PARD6B: variants seen among roughly 807,000 people sequenced by gnomAD.
PARD6B encodes partitioning defective 6 homolog beta.
In PARD6B, 4 loss-of-function variants were observed where a neutral mutation model predicts 10.5. That is an observed-to-expected ratio of 0.38 (90% CI 0.19 to 0.87). PARD6B has a LOEUF of 0.87. Among genes scored for constraint, PARD6B ranks in the 40% least tolerant of loss-of-function variants. The pLI, the probability that PARD6B is intolerant of heterozygous loss-of-function variation, is 0.41. For synonymous variants in PARD6B, 169 were observed against 170.4 expected (o/e 0.99, Z 0.07); for missense variants, 396 against 470.6 (o/e 0.84, Z 1.47).
Position 50,737,915 on chromosome 20 carries a change from A to G in PARD6B, c.125A>G (p.Glu42Gly), listed in dbSNP as rs1196565435. Residue 42 changes from glutamate (E) to glycine (G), a missense_variant, in exon 2 of 3, where the codon GAG (glutamate) becomes GGG (glycine). Physicochemically the swap from Glu to Gly is moderately conservative, Grantham distance 98. This residue lies in a region of PARD6B where 208 missense variants were observed against 300.9 expected (regional missense o/e 0.69). Coordinates refer to ENST00000371610, the MANE Select transcript of PARD6B (RefSeq NM_032521.3). ...AGATCAAAACCTGGAAAATTTGAGG[A>G]GTTTTATGGATTACTACAACATGTT... The part of the protein sequence containing the change: ...LERSKPGKFE[E>G]FYGLLQHVHK... The G allele has an allele frequency of 6.2e-7, 1 of 1,609,100 alleles. No homozygotes were observed. The highest frequency in any genetic ancestry group is 1.7e-5 in the Admixed American group (1 of 59,078).
Position 50,738,054 on chromosome 20 carries a change from G to A in PARD6B, c.264G>A (p.Leu88=). ...YHKAVSTANP[L]LRIFIQKKEE... is the part of the protein sequence containing the mutation. ...AAGCTGTTTCAACGGCCAATCCACT[G>A]CTTAGGATATTTATACAAAAGAAGG... The change falls in exon 2 of 3, where the codon CTG becomes CTA. Residue 88 remains leucine (L), a synonymous_variant. Coordinates refer to ENST00000371610, the MANE Select transcript of PARD6B (RefSeq NM_032521.3). The A allele has an allele frequency of 6.2e-7, 1 of 1,605,434 alleles. No homozygotes were observed. The highest frequency in any genetic ancestry group is 8.5e-7 in the Non-Finnish European group (1 of 1,176,454).
chr20:50,743,517 T>C (rs1025087695), intron 2 of PARD6B, among the ~76,000 whole-genome samples: 1 of 152,188 alleles, frequency 6.6e-6, no homozygotes, highest in African/African-American at 2.4e-5. Flanking sequence ...AAGGTTACAT[T>C]TTTATGAATC....
At chr20:50,738,645 ACTTTCTTT>A (rs1391191824) in intron 2 of PARD6B, among the ~76,000 whole-genome samples, 2 of 152,300 alleles carry the variant, frequency 1.3e-5, no homozygotes, top group East Asian at 3.9e-4. Context: ...CCCAGTAAAT[ACTTTCTTT>A]CTTTTACTTT....
intron 2 of PARD6B, among the ~76,000 whole-genome samples, chr20:50,741,321 C>T (rs765400652): frequency 2.6e-5 from 4 of 151,948 alleles, no homozygotes; most frequent in South Asian, 4.2e-4. Context: ...ACTTCACCCT[C>T]GGTTCTTCCC....
At chr20:50,741,557 C>CT (rs1170218586) in intron 2 of PARD6B, among the ~76,000 whole-genome samples, 3 of 151,756 alleles carry the variant, frequency 2.0e-5, no homozygotes, top group East Asian at 1.9e-4. Context: ...TGCATGCACT[C>CT]TTTTTTTTGT....
intron 2 of PARD6B, among the ~76,000 whole-genome samples, chr20:50,748,491 CT>C (rs1359557395): frequency 1.3e-5 from 2 of 152,226 alleles, no homozygotes; most frequent in Non-Finnish European, 2.9e-5. Flanking sequence ...TCTGATTTAC[CT>C]TGAGAATCAA....
At chr20:50,731,910 GGCCGGGCCAGGCTCGGAGC>G in intron 1 of PARD6B, 58 bp downstream of exon 1, 1 of 1,320,698 alleles carries the variant, frequency 7.6e-7, no homozygotes, top group Non-Finnish European at 9.6e-7. Flanking sequence ...GCCTGGGAGA[GGCCGGGCCAGGCTCGGAGC>G]GCCGGGGGAG....
Position 50,753,695 on chromosome 20 carries a change from G to C in PARD6B, c.*3207G>C, listed in dbSNP as rs956827118. ...GATTTTAAAAATCAAATTAGCTTTA[G>C]TTGTATATTATTTTTTACAAATAAA... On this transcript the variant is annotated 3_prime_UTR_variant, in exon 3 of 3. Coordinates refer to ENST00000371610, the MANE Select transcript of PARD6B (RefSeq NM_032521.3). 2 of 698,672 alleles carry C rather than the reference G, an allele frequency of 2.9e-6. No individual in the cohort carries two copies. Among genetic ancestry groups the C allele is most frequent in the African/African-American group, 3.9e-5 (2 of 51,612 alleles). 43.3% of individuals were successfully genotyped at this position (698,672 alleles called of 1,614,324 possible).
intron 2 of PARD6B, among the ~76,000 whole-genome samples, chr20:50,745,406 C>T (rs1170709892): frequency 2.2e-5 from 3 of 139,102 alleles, no homozygotes; most frequent in Non-Finnish European, 3.1e-5. Flanking sequence ...AGCGAAACTC[C>T]GTCTCAAAAA....
chr20:50,744,484 A>C (rs1242808565), intron 2 of PARD6B, among the ~76,000 whole-genome samples: 1 of 152,154 alleles, frequency 6.6e-6, no homozygotes, highest in African/African-American at 2.4e-5. Context: ...GCTTTGTAGA[A>C]AAACCAAATG....
intron 1 of PARD6B, among the ~76,000 whole-genome samples, chr20:50,736,615 T>C (rs2087500768): frequency 6.6e-6 from 1 of 152,190 alleles, no homozygotes; most frequent in African/African-American, 2.4e-5. Flanking sequence ...TTTCCACGTT[T>C]GAGGAAATGC....
chr20:50,732,715 C>T (rs971145411), intron 1 of PARD6B, among the ~76,000 whole-genome samples: 1 of 152,188 alleles, frequency 6.6e-6, no homozygotes, highest in African/African-American at 2.4e-5. Flanking sequence ...GCCCAATTCT[C>T]TGAGAAGACT....
chr20:50,749,170 C>T (rs1463842330), intron 2 of PARD6B, among the ~76,000 whole-genome samples: 1 of 152,008 alleles, frequency 6.6e-6, no homozygotes, highest in Non-Finnish European at 1.5e-5. Flanking sequence ...GGTGAAACCC[C>T]ATCTGTACTA....
intron 1 of PARD6B, among the ~76,000 whole-genome samples, chr20:50,734,181 T>G (rs1159528532): frequency 6.6e-6 from 1 of 152,230 alleles, no homozygotes; most frequent in Non-Finnish European, 1.5e-5. Context: ...AAATATATAT[T>G]GCTGATACAT....
In PARD6B at chr20:50,750,826, T is replaced by A. The variant is rs752673193; in HGVS notation, c.*338T>A. Reference sequence around the variant, plus strand: ...GGAAGTGGTTGCATATTTAACCTGCTGTGCAGAGCCCAGTTAATTTTTCCT... The same window carrying A: ...GGAAGTGGTTGCATATTTAACCTGCAGTGCAGAGCCCAGTTAATTTTTCCT... On this transcript the variant is annotated 3_prime_UTR_variant, in exon 3 of 3. Transcript: ENST00000371610. 3 of 1,040,534 alleles carry A rather than the reference T, an allele frequency of 2.9e-6. No individual in the cohort carries two copies. The highest frequency in any genetic ancestry group is 3.5e-6 in the Non-Finnish European group (3 of 863,790). 64.5% of individuals were successfully genotyped at this position (1,040,534 alleles called of 1,614,324 possible). A position where few individuals can be genotyped will look rare whatever the true frequency, so the allele number is the denominator to read the frequency against.
chr20:50,733,255 A>G (rs2087482057), intron 1 of PARD6B, among the ~76,000 whole-genome samples: 1 of 152,170 alleles, frequency 6.6e-6, no homozygotes, highest in Admixed American at 6.5e-5. Flanking sequence ...CCCCATCTCT[A>G]CTAAAAATAC....
chr20:50,747,481 C>CTTTTTTTTTTTTTT (rs2087574254), intron 2 of PARD6B, among the ~76,000 whole-genome samples: 1 of 42,112 alleles, frequency 2.4e-5, no homozygotes, highest in African/African-American at 9.5e-5. Flanking sequence ...TTCTTTTTTT[C>CTTTTTTTTTTTTTT]TTTCTTTCTT....
chr20:50,753,210 T>G lies in PARD6B; in HGVS notation c.*2722T>G. The stretch of plus-strand genomic sequence containing the variant: ...TCATGGAAATGGAAATCAAAGCTGC[T>G]ATTGCTTTTTATTTTAATTATCCTG... On this transcript the variant is annotated 3_prime_UTR_variant, in exon 3 of 3. Coordinates refer to ENST00000371610, the MANE Select transcript of PARD6B (RefSeq NM_032521.3). 6 of 985,206 alleles carry G rather than the reference T, an allele frequency of 6.1e-6. No individual in the cohort carries two copies. The highest frequency in any genetic ancestry group is 7.2e-6 in the Non-Finnish European group (6 of 829,338). The allele number at this position is 985,206 out of a possible 1,614,324, so 61.0% of individuals were successfully genotyped here. A position where few individuals can be genotyped will look rare whatever the true frequency, so the allele number is the denominator to read the frequency against.
intron 2 of PARD6B, among the ~76,000 whole-genome samples, chr20:50,746,257 C>T (rs1239393477): frequency 6.6e-6 from 1 of 151,814 alleles, no homozygotes; most frequent in African/African-American, 2.4e-5. Flanking sequence ...AGAGGGAAGC[C>T]CTGCAGGATA....
Sources: gnomAD v4.1 joint callset for allele counts (sites outside exome capture counted in the v4.1 genomes callset) on GRCh38, gnomAD v4.1.1 for gene constraint, gnomAD v4.1.1 regional missense constraint, MANE v1.5 for transcripts, NCBI Gene and HGNC (gene_info 2026-07-23, HGNC 2026-07-21) for gene names.